The following KRT32 variants were observed in gnomAD, a reference collection of about 807,000 sequenced individuals.
KRT32 encodes the protein keratin, type I cuticular Ha2.
In KRT32, 44 loss-of-function variants were observed where a neutral mutation model predicts 41.8. The observed-to-expected ratio is 1.05, with a 90% CI of 0.83 to 1.35. The LOEUF is 1.35. Ranked by LOEUF, KRT32 falls within the 40% of genes most tolerant of loss-of-function variation. The probability of loss-of-function intolerance (pLI) is 0.00; values close to 1 mark genes in which losing one functional copy is unlikely to be tolerated. For synonymous variants in KRT32, 238 were observed against 242.5 expected (o/e 0.98, Z 0.17); for missense variants, 576 against 584.6 (o/e 0.99, Z 0.15).
In KRT32 at chr17:41,467,337, C is replaced by G; in HGVS notation, c.-12G>C. 1.3e-6 allele frequency: 2 copies of G among 1,582,252 alleles called. No homozygotes were observed. The highest frequency in any genetic ancestry group is 1.7e-6 in the Non-Finnish European group (2 of 1,160,428). On this transcript the variant is annotated 5_prime_UTR_variant, in exon 1 of 7. Transcript: ENST00000225899. ...CAGGAGGATGTCATGTTGGAGAGGC[C>G]CTTTCTCCTCAGCCACAGCTACCTG...
chr17:41,467,281 G>C lies in KRT32; in HGVS notation c.45C>G (p.Leu15=), dbSNP rs750733042. The change falls in exon 1 of 7, where the codon CTC becomes CTG. Residue 15 remains leucine, a synonymous_variant. Transcript: ENST00000225899. The part of the protein sequence containing the change: ...CCVTNNLQAS[L]KSCPRPASVC... ...CCGAGGCAGGCCGGGGGCAGCTCTT[G>C]AGAGAGGCTTGCAAGTTGTTGGTGA... The C allele has an allele frequency of 1.2e-6, 2 of 1,613,014 alleles. No individual in the cohort carries two copies. Among genetic ancestry groups the C allele is most frequent in the African/African-American group, 1.3e-5 (1 of 74,948 alleles).
rs1489415673 is a variant in KRT32, at chr17:41,464,429, A to G, written c.723T>C (p.Leu241=). The G allele has an allele frequency of 1.9e-6, 3 of 1,569,722 alleles. No homozygotes were observed. The Admixed American group carries it at 5.7e-5, about 30-fold the overall frequency. ...TAAGGCGGTCCCCAAGCTGGCATCG[A>G]AGGGAACCGACTTCCTGAAAAGGCA... The part of the protein sequence containing the change: ...KKNHEEEVGS[L]RCQLGDRLNI... The change falls in exon 4 of 7, where the codon CTT becomes CTC. Residue 241 remains leucine (L), a synonymous_variant. Transcript: ENST00000225899.
Position 41,459,951 on chromosome 17 carries a change from C to T in KRT32, c.*159G>A. 1 of 696,768 alleles carries T rather than the reference C, an allele frequency of 1.4e-6. No homozygotes were observed. Among genetic ancestry groups the T allele is most frequent in the Non-Finnish European group, 2.3e-6 (1 of 432,848 alleles). The allele number at this position is 696,768 out of a possible 1,614,324, so 43.2% of individuals were successfully genotyped here. On this transcript the variant is annotated 3_prime_UTR_variant, in exon 7 of 7. Transcript: ENST00000225899. ...AGAGGCAGTTTTGAAGTGATGAGGG[C>T]TTAAGTATCCCCTGGAGTATCAGAG...
rs1011929124 is a variant in KRT32, at chr17:41,460,377, C to T, written c.1218-138G>A. 71 of 1,126,044 alleles carry T rather than the reference C, an allele frequency of 6.3e-5. 1 individual carries two copies. Among genetic ancestry groups the T allele is most frequent in the Middle Eastern group, 4.3e-4 (2 of 4,690 alleles). 69.8% of individuals were successfully genotyped at this position (1,126,044 alleles called of 1,614,324 possible). The stretch of plus-strand genomic sequence containing the variant: ...GCCCAGCCTCCCTGGTCCCAACCTC[C>T]GCCATCTTTGCCTGAGTCACCTCAT... On this transcript the variant is annotated intron_variant, in intron 6 of 6. Transcript: ENST00000225899.
chr17:41,464,485 G>T, intron 3 of KRT32, 42 bp from the exon 4 acceptor site: 1 of 1,501,118 alleles, frequency 6.7e-7, no homozygotes, highest in Admixed American at 2.3e-5. Flanking sequence ...GACAATGATA[G>T]GATCCTGGCT....
chr17:41,464,493 G>T, intron 3 of KRT32, 50 bp from the exon 4 acceptor site: 1 of 1,483,212 alleles, frequency 6.7e-7, no homozygotes, highest in Non-Finnish European at 9.0e-7. Context: ...TAGGATCCTG[G>T]CTCACCTCCC....
In KRT32 at chr17:41,464,466, G is replaced by GA. The variant is rs779820459; in HGVS notation, c.709-24dup. 2.6e-5 allele frequency: 40 copies of GA among 1,521,262 alleles called. No homozygotes were observed. The South Asian group carries it at 5.1e-4, about 19-fold the overall frequency. 94.2% of individuals were successfully genotyped at this position (1,521,262 alleles called of 1,614,324 possible). The stretch of plus-strand genomic sequence containing the variant: ...TTCCTGAAAAGGCACAAGACCTCCA[G>GA]AAAAATGTGACAATGATAGGATCCT... On this transcript the variant is annotated intron_variant, in intron 3 of 6. Coordinates refer to ENST00000225899, the MANE Select transcript of KRT32 (RefSeq NM_002278.3).
intron 6 of KRT32, among the ~76,000 whole-genome samples, chr17:41,461,003 G>A (rs2018997212): frequency 1.3e-5 from 2 of 152,252 alleles, no homozygotes; most frequent in South Asian, 4.1e-4. Flanking sequence ...CTCCTGCAGG[G>A]ACTGTACTGC....
intron 3 of KRT32, among the ~76,000 whole-genome samples, chr17:41,465,148 T>C (rs537898597): frequency 1.3e-5 from 2 of 152,212 alleles, no homozygotes; most frequent in African/African-American, 4.8e-5. Context: ...AGCAGAGGGC[T>C]TCCCCTCCAA....
chr17:41,465,785 C>CT lies in KRT32; in HGVS notation c.695dup (p.Asn233GlufsTer3). On this transcript the variant is annotated frameshift_variant, in exon 3 of 7. Transcript: ENST00000225899. LOFTEE classifies it high-confidence loss of function. ...CTTCCAGCCTCACCTCCTCATGGTT[C>CT]TTTTTGAGGCACATCAGCTCCTCCT... The CT allele has an allele frequency of 6.2e-7, 1 of 1,611,052 alleles. No individual in the cohort carries two copies. Among genetic ancestry groups the CT allele is most frequent in the Non-Finnish European group, 8.5e-7 (1 of 1,178,560 alleles).
chr17:41,465,332 T>G (rs990716173), intron 3 of KRT32, among the ~76,000 whole-genome samples: 1 of 152,076 alleles, frequency 6.6e-6, no homozygotes, highest in South Asian at 2.1e-4. Flanking sequence ...CAGGCAGAGA[T>G]GGACAGGCCA....
chr17:41,466,924 G>A lies in KRT32; in HGVS notation c.402C>T (p.Ser134=), dbSNP rs1218212453. 5 of 1,614,118 alleles carry A rather than the reference G, an allele frequency of 3.1e-6. No individual in the cohort carries two copies. The highest frequency in any genetic ancestry group is 4.2e-6 in the Non-Finnish European group (5 of 1,180,048). The change falls in exon 1 of 7, where the codon TCC becomes TCT. Residue 134 remains serine, a synonymous_variant. Transcript: ENST00000225899. ...AGTCAGGAGTCATGGTGAGCACCTG[G>A]GAGTGAGAGGCCTCTTGGATCCTGC... ...LESRIQEASH[S]QVLTMTPDYQ...
In KRT32 at chr17:41,460,072, G is replaced by GC. The variant is rs753320149; in HGVS notation, c.*37dup. 40 of 1,562,676 alleles carry GC rather than the reference G, an allele frequency of 2.6e-5. No homozygotes were observed. The East Asian group carries it at 8.4e-4, about 33-fold the overall frequency. ...TGGCCACTGAATACCAGGCTGCCCAGCCCCAGGCCCTCCAGGATCCACTGG... is the reference window on the plus strand; with the variant it reads ...TGGCCACTGAATACCAGGCTGCCCAGCCCCCAGGCCCTCCAGGATCCACTGG... On this transcript the variant is annotated 3_prime_UTR_variant, in exon 7 of 7. Transcript: ENST00000225899.
At position 41,460,201 on chromosome 17, in the gene KRT32, G is replaced by A. The variant is rs146527191; in HGVS notation, c.1256C>T (p.Thr419Ile). ...CNPCSTPSCTTCVPSPCVPRT... is the reference protein window; with the variant it reads ...CNPCSTPSCTICVPSPCVPRT... ...GGGCACGCATGGGGAGGGCACACAG[G>A]TGGTGCAGGAAGGAGTGGAGCATGG... Residue 419 changes from threonine (T) to isoleucine (I), a missense_variant, in exon 7 of 7, where the codon ACC (threonine) becomes ATC (isoleucine). Transcript: ENST00000225899. 2,492 of 1,610,674 alleles carry A rather than the reference G, an allele frequency of 1.5e-3. No homozygotes were observed. The highest frequency in any genetic ancestry group is 1.9e-3 in the Non-Finnish European group (2,287 of 1,178,378).
chr17:41,460,618 A>G (rs1171130208), intron 6 of KRT32, among the ~76,000 whole-genome samples: 1 of 152,144 alleles, frequency 6.6e-6, no homozygotes, highest in African/African-American at 2.4e-5. Flanking sequence ...CAAACACTGC[A>G]TGTTCTCACT....
Position 41,460,123 on chromosome 17 carries a change from TG to T in KRT32, c.1333del (p.Gln445ArgfsTer40). ...CACAAAGGGACTTCAGTAGCGGCCC[TG>T]GGGGCAGGGTGAGCAAGGCATGCCA... The part of the protein sequence containing the change: ...TVGMPCSPCP[Q>X]GRY On this transcript the variant is annotated frameshift_variant, in exon 7 of 7. Transcript: ENST00000225899. LOFTEE classifies it high-confidence loss of function. 1 of 1,610,056 alleles carries T rather than the reference TG, an allele frequency of 6.2e-7. No homozygotes were observed.
intron 1 of KRT32, 58 bp from the exon 2 acceptor site, chr17:41,466,234 C>A (rs1597743324): frequency 3.5e-6 from 5 of 1,431,374 alleles, no homozygotes; most frequent in Middle Eastern, 1.8e-4. Flanking sequence ...CAAGAAGAAC[C>A]CAAATGAAGA....
In KRT32 at chr17:41,466,276, C is replaced by G. The variant is rs148136239; in HGVS notation, c.469-100G>C. 6.3e-4 allele frequency: 577 copies of G among 919,870 alleles called. 3 individuals carry two copies. The African/African-American group carries it at 8.6e-3, about 14-fold the overall frequency. 57.0% of individuals were successfully genotyped at this position (919,870 alleles called of 1,614,324 possible). A position where few individuals can be genotyped will look rare whatever the true frequency, so the allele number is the denominator to read the frequency against. On this transcript the variant is annotated intron_variant, in intron 1 of 6. Coordinates refer to ENST00000225899, the MANE Select transcript of KRT32 (RefSeq NM_002278.3). ...AGCAGCAAAGGTAGGATCCAGCAGCCCTGCAGCCATCCCTGCAGAAGGTCC... is the reference window on the plus strand; with the variant it reads ...AGCAGCAAAGGTAGGATCCAGCAGCGCTGCAGCCATCCCTGCAGAAGGTCC...
chr17:41,465,231 G>A lies in KRT32; in HGVS notation c.708+542C>T, dbSNP rs2019053571. ...TGAGCATTTTATATGCAAACAGAAG[G>A]GAGGACAAAATAAGGATAGGGGCAA... is the stretch of plus-strand genomic sequence containing the variant. On this transcript the variant is annotated intron_variant, in intron 3 of 6. Transcript: ENST00000225899. 1.3e-5 allele frequency among the ~76,000 whole-genome samples: 2 copies of A among 152,060 alleles called. 1 individual carries two copies. The highest frequency in any genetic ancestry group is 2.9e-5 in the Non-Finnish European group (2 of 68,026).
Sources: gnomAD v4.1 joint callset for allele counts (sites outside exome capture counted in the v4.1 genomes callset) on GRCh38, gnomAD v4.1.1 for gene constraint, MANE v1.5 for transcripts, NCBI Gene and HGNC (gene_info 2026-07-23, HGNC 2026-07-21) for gene names.